Variants in SHANK2 observed in about 807,000 individuals in gnomAD.
The protein encoded by SHANK2 is SH3 and multiple ankyrin repeat domains 2.
A neutral mutation model predicts 133.7 loss-of-function variants in SHANK2; 43 were observed. The observed-to-expected ratio is 0.32, with a 90% confidence interval of 0.25 to 0.41. The LOEUF (loss-of-function observed/expected upper bound fraction) is 0.41, where lower values mean the gene tolerates loss of function less well. Ranked by LOEUF, SHANK2 falls within the 10% of genes least tolerant of loss-of-function variation. SHANK2 has a pLI of 1.00. For synonymous variants in SHANK2, 1,017 were observed against 952.8 expected (o/e 1.07, Z -1.24); for missense variants, 1,994 against 2,235.8 (o/e 0.89, Z 2.18).
chr11:71,114,763 C>T (rs1951948699), intron 4 of SHANK2, among the ~76,000 whole-genome samples: 1 of 152,164 alleles, frequency 6.6e-6, no homozygotes, highest in Middle Eastern at 3.2e-3. Flanking sequence ...ACCTCTGGTC[C>T]AGATTTCAGA....
At chr11:70,511,127 C>T (rs782185943) in intron 17 of SHANK2, among the ~76,000 whole-genome samples, 13 of 152,308 alleles carry the variant, frequency 8.5e-5, no homozygotes, top group South Asian at 2.1e-4. Context: ...AGGATGCCAA[C>T]GGAGTGTGCC....
At chr11:70,644,414 G>A (rs1555007501) in intron 17 of SHANK2, among the ~76,000 whole-genome samples, 1 of 152,066 alleles carries the variant, frequency 6.6e-6, no homozygotes, top group Non-Finnish European at 1.5e-5. Flanking sequence ...CCTCACTTGA[G>A]CGGAATCATA....
Position 70,929,098 on chromosome 11 carries a change from G to A in SHANK2, c.1108-32531C>T, listed in dbSNP as rs369840763. Among the ~76,000 whole-genome samples, 212 of 152,324 alleles carry A rather than the reference G, an allele frequency of 1.4e-3. 1 individual carries two copies. Among genetic ancestry groups the A allele is most frequent in the African/African-American group, 4.5e-3 (187 of 41,564 alleles). On this transcript the variant is annotated intron_variant, in intron 10 of 25. Transcript: ENST00000601538. ...GGGAGAACAATGCGCCCAAGGGCTC[G>A]TCACTTCCTTACTCTCTAGTGTGAC...
rs200592259 is a variant in SHANK2 at position 70,485,756 on chromosome 11, C to T, written c.4537G>A (p.Val1513Met). The T allele has an allele frequency of 1.4e-4, 221 of 1,613,966 alleles. No individual in the cohort carries two copies. The highest frequency in any genetic ancestry group is 1.1e-4 in the Non-Finnish European group (125 of 1,180,028). ...HLETTSTIST[V>M]SSISTLSSEG... ...GAAGACAGGGTGGAGATGCTAGACA[C>T]GGTGGAGATAGTGCTGGTCGTCTCG... Residue 1513 changes from valine (V) to methionine (M), a missense_variant, in exon 25 of 26, where the codon GTG (valine) becomes ATG (methionine). Coordinates refer to ENST00000601538, the MANE Select transcript of SHANK2 (RefSeq NM_012309.5). The surrounding 1 kb of genome is among the most constrained non-coding windows in gnomAD (Gnocchi z 5.8).
chr11:70,638,446 G>A (rs1013575230), intron 17 of SHANK2, among the ~76,000 whole-genome samples: 5 of 152,180 alleles, frequency 3.3e-5, no homozygotes, highest in Non-Finnish European at 7.3e-5. Context: ...TCGGCGCCCT[G>A]CTGATGACCT....
At chr11:70,920,591 C>T (rs768935402) in intron 10 of SHANK2, among the ~76,000 whole-genome samples, 2 of 152,126 alleles carry the variant, frequency 1.3e-5, no homozygotes, top group Non-Finnish European at 2.9e-5. Flanking sequence ...TAGCTGCTGG[C>T]AAAAACAAAT....
intron 17 of SHANK2, among the ~76,000 whole-genome samples, chr11:70,653,098 G>A (rs952395673): frequency 9.9e-5 from 15 of 150,850 alleles, no homozygotes; most frequent in African/African-American, 3.2e-4. Context: ...CCAGCCTCCC[G>A]AGTAGCTGGG....
At chr11:71,118,720 T>A (rs1351883304) in intron 4 of SHANK2, 109 bp downstream of exon 4, 2 of 955,896 alleles carry the variant, frequency 2.1e-6, no homozygotes, top group African/African-American at 3.3e-5. Context: ...GGGGATAATT[T>A]CCCAATGCAA....
intron 8 of SHANK2, among the ~76,000 whole-genome samples, chr11:71,079,834 A>AGGGAAGGGAAGGGAG (rs1951270122): frequency 1.0e-5 from 1 of 96,640 alleles, no homozygotes; most frequent in Non-Finnish European, 2.1e-5. Context: ...GGAAAGGGAA[A>AGGGAAGGGAAGGGAG]GGGAGGGGAA....
chr11:70,802,314 C>A (rs1046896479), intron 13 of SHANK2, among the ~76,000 whole-genome samples: 1 of 152,200 alleles, frequency 6.6e-6, no homozygotes, highest in African/African-American at 2.4e-5. Flanking sequence ...GCTGTCCTCA[C>A]TATGGCCACC....
At chr11:71,140,017 G>A (rs1292285596) in intron 3 of SHANK2, among the ~76,000 whole-genome samples, 1 of 152,196 alleles carries the variant, frequency 6.6e-6, no homozygotes, top group Admixed American at 6.5e-5. Flanking sequence ...TGGGGCCTCG[G>A]TGCAGACTCA....
intron 11 of SHANK2, 76 bp from the exon 12 acceptor site, chr11:70,820,758 T>G (rs1590722043): frequency 1.7e-6 from 1 of 596,964 alleles, no homozygotes; most frequent in Non-Finnish European, 3.0e-6. Flanking sequence ...CCTAGGGAGG[T>G]GCAGGCCTGC....
intron 2 of SHANK2, among the ~76,000 whole-genome samples, chr11:71,202,451 G>A (rs782273927): frequency 6.6e-6 from 1 of 152,216 alleles, no homozygotes; most frequent in Non-Finnish European, 1.5e-5. Flanking sequence ...GGTCAGAGAG[G>A]TGAGGGTACT....
chr11:70,648,903 G>A (rs2061304414), intron 17 of SHANK2, among the ~76,000 whole-genome samples: 1 of 152,192 alleles, frequency 6.6e-6, no homozygotes, highest in Non-Finnish European at 1.5e-5. Context: ...TATCTGATGG[G>A]GCATGTGCAG....
intron 11 of SHANK2, among the ~76,000 whole-genome samples, chr11:70,821,132 C>T (rs115139013): frequency 1.5e-4 from 23 of 152,306 alleles, no homozygotes; most frequent in African/African-American, 5.3e-4. Flanking sequence ...CGTGTGTTGA[C>T]GTCCTAAACC....
intron 6 of SHANK2, among the ~76,000 whole-genome samples, chr11:71,099,515 G>A (rs186125458): frequency 6.6e-6 from 1 of 152,136 alleles, no homozygotes; most frequent in East Asian, 1.9e-4. Context: ...TATTGTGCGG[G>A]TTAACAGATT....
chr11:70,527,678 G>A (rs1554972397), intron 17 of SHANK2, among the ~76,000 whole-genome samples: 1 of 152,190 alleles, frequency 6.6e-6, no homozygotes, highest in African/African-American at 2.4e-5. Context: ...AAATCTCTCT[G>A]GCCATTCATG....
At chr11:71,065,110 G>T (rs1951032085) in intron 9 of SHANK2, among the ~76,000 whole-genome samples, 1 of 152,144 alleles carries the variant, frequency 6.6e-6, no homozygotes, top group Non-Finnish European at 1.5e-5. Flanking sequence ...GTGCCATGTG[G>T]GTGTGACTGG....
At chr11:70,759,523 A>T (rs2134967318) in intron 14 of SHANK2, among the ~76,000 whole-genome samples, 1 of 152,296 alleles carries the variant, frequency 6.6e-6, no homozygotes. Context: ...TCCAACCATG[A>T]TGGGACAGGA....
Sources: allele counts gnomAD v4.1 joint callset (sites outside exome capture counted in the v4.1 genomes callset), GRCh38; gene constraint gnomAD v4.1.1; non-coding constraint Gnocchi (gnomAD v3.1); transcripts MANE v1.5; gene names NCBI Gene and HGNC (gene_info 2026-07-23, HGNC 2026-07-21).